RANBP2: variants seen among roughly 807,000 people sequenced by gnomAD.
RANBP2 encodes the protein E3 SUMO-protein ligase RanBP2.
Under a neutral mutation model 303.6 loss-of-function variants are expected in RANBP2, and 57 were observed. The observed-to-expected ratio is 0.19, with a 90% CI of 0.15 to 0.23. RANBP2 has a LOEUF of 0.23. RANBP2 is among the 10% of genes least tolerant of loss of function. The pLI, the probability that RANBP2 is intolerant of heterozygous loss-of-function variation, is 1.00. For synonymous variants in RANBP2, 1,167 were observed against 1,301.5 expected (o/e 0.90, Z 2.23); for missense variants, 3,138 against 3,780.8 (o/e 0.83, Z 4.46).
the RANBP2 span, among the ~76,000 whole-genome samples, chr2:108,933,531 C>T: frequency 6.6e-6 from 1 of 152,176 alleles, no homozygotes; most frequent in African/African-American, 2.4e-5. Context: ...GGAGGTGTCT[C>T]ACTTGGTGGA....
At chr2:108,884,486 T>C in the RANBP2 span, 2 of 152,194 alleles carry the variant, frequency 1.3e-5, no homozygotes, top group African/African-American at 4.8e-5. Context: ...AAAAGCTTGA[T>C]GCAATCAAAA....
chr2:108,950,363 G>A, the RANBP2 span, among the ~76,000 whole-genome samples: 5 of 151,718 alleles, frequency 3.3e-5, no homozygotes, highest in South Asian at 2.1e-4. Flanking sequence ...TGATCCTCCC[G>A]CCTCAGCCTC....
the RANBP2 span, among the ~76,000 whole-genome samples, chr2:109,510,385 G>A: frequency 2.6e-5 from 4 of 152,154 alleles, no homozygotes; most frequent in Admixed American, 1.3e-4. Flanking sequence ...AGGGCAAGGC[G>A]TCTCTGCCAA....
the RANBP2 span, among the ~76,000 whole-genome samples, chr2:108,987,669 G>T: frequency 3.3e-3 from 497 of 152,324 alleles, 1 homozygote; most frequent in African/African-American, 0.011. Flanking sequence ...TCCTCCCACA[G>T]CACAGCCTGG....
chr2:108,744,988 CATGTCAGTATATATA>C (rs1160248680), intron 7 of RANBP2, among the ~76,000 whole-genome samples: 1 of 151,884 alleles, frequency 6.6e-6, no homozygotes, highest in East Asian at 1.9e-4. Flanking sequence ...GAGATGTTTC[CATGTCAGTATATATA>C]AAGGGCATTC....
chr2:109,134,157 C>G, the RANBP2 span, among the ~76,000 whole-genome samples: 6 of 152,140 alleles, frequency 3.9e-5, no homozygotes, highest in Non-Finnish European at 5.9e-5. Context: ...ATAATCCTGC[C>G]AAGTGGCTGG....
chr2:109,410,172 C>T, the RANBP2 span, among the ~76,000 whole-genome samples: 17 of 152,212 alleles, frequency 1.1e-4, no homozygotes, highest in Non-Finnish European at 1.8e-4. Context: ...ATCGGGGAAC[C>T]GCGGCCACAG....
chr2:109,425,713 T>C, the RANBP2 span, among the ~76,000 whole-genome samples: 1 of 151,870 alleles, frequency 6.6e-6, no homozygotes, highest in Non-Finnish European at 1.5e-5. Context: ...AAAAGATTCC[T>C]TTTAAAATAT....
chr2:109,662,494 A>G, the RANBP2 span, among the ~76,000 whole-genome samples: 1 of 151,380 alleles, frequency 6.6e-6, no homozygotes, highest in Admixed American at 6.6e-5. Flanking sequence ...ATAATTTTGT[A>G]TATTTAGTAG....
the RANBP2 span, among the ~76,000 whole-genome samples, chr2:109,294,657 A>G: frequency 1.3e-5 from 2 of 150,892 alleles, no homozygotes; most frequent in African/African-American, 4.9e-5. Context: ...CATAGGCTTG[A>G]GCACCCTGCT....
At chr2:108,911,390 G>A in the RANBP2 span, among the ~76,000 whole-genome samples, 2 of 152,134 alleles carry the variant, frequency 1.3e-5, no homozygotes, top group Admixed American at 1.3e-4. Context: ...GGTGTGGAGA[G>A]GAAGAAAGGC....
chr2:108,860,947 T>TTTTTTTTTTTTC, the RANBP2 span, among the ~76,000 whole-genome samples: 1 of 140,872 alleles, frequency 7.1e-6, no homozygotes, highest in Non-Finnish European at 1.6e-5. Context: ...TTTTTTTTTT[T>TTTTTTTTTTTTC]TTTTTTTTTT....
chr2:109,543,046 C>G, the RANBP2 span: 1 of 152,346 alleles, frequency 6.6e-6, no homozygotes. Flanking sequence ...TATTCAAGTA[C>G]AAAAAATGAA....
chr2:109,498,044 C>T, the RANBP2 span, among the ~76,000 whole-genome samples: 3 of 152,308 alleles, frequency 2.0e-5, no homozygotes, highest in African/African-American at 7.2e-5. Flanking sequence ...ATTTCACAGA[C>T]CGCTGGCTGC....
chr2:109,188,943 A>C, the RANBP2 span, among the ~76,000 whole-genome samples: 3 of 151,826 alleles, frequency 2.0e-5, no homozygotes, highest in South Asian at 4.2e-4. Flanking sequence ...TAAAAAAAAA[A>C]CCTGAAAATG....
chr2:109,156,706 G>A, the RANBP2 span, among the ~76,000 whole-genome samples: 2 of 152,102 alleles, frequency 1.3e-5, no homozygotes, highest in Admixed American at 1.3e-4. Context: ...GCCTCCCAAA[G>A]TGCTGGGATT....
At chr2:109,402,349 AG>A in the RANBP2 span, among the ~76,000 whole-genome samples, 1 of 152,364 alleles carries the variant, frequency 6.6e-6, no homozygotes, top group Non-Finnish European at 1.5e-5. Context: ...GCCACAGCCC[AG>A]GAGAGGGAGC....
At chr2:109,188,416 C>T in the RANBP2 span, among the ~76,000 whole-genome samples, 1 of 152,198 alleles carries the variant, frequency 6.6e-6, no homozygotes, top group East Asian at 1.9e-4. Flanking sequence ...TCTGGGACCC[C>T]ATGGGCCCAG....
the RANBP2 span, among the ~76,000 whole-genome samples, chr2:109,082,936 C>T: frequency 6.6e-6 from 1 of 151,930 alleles, no homozygotes; most frequent in Non-Finnish European, 1.5e-5. Context: ...CGCCATTCTC[C>T]TGCCTCAGCC....
Sources: allele counts gnomAD v4.1 joint callset (sites outside exome capture counted in the v4.1 genomes callset), GRCh38; gene constraint gnomAD v4.1.1; transcripts MANE v1.5; gene names NCBI Gene and HGNC (gene_info 2026-07-23, HGNC 2026-07-21).